Variants in CNTN5 observed in about 807,000 individuals in gnomAD.
CNTN5 encodes the protein contactin-5.
In CNTN5, 77 loss-of-function variants were observed where a neutral mutation model predicts 129.1. The ratio of observed to expected loss-of-function variants is 0.60; its 90% CI spans 0.50 to 0.72. CNTN5 has a LOEUF of 0.72. Among genes scored for constraint, CNTN5 ranks in the 30% least tolerant of loss-of-function variants. The probability of loss-of-function intolerance (pLI) is 0.00; values close to 1 mark genes in which losing one functional copy is unlikely to be tolerated. For synonymous variants in CNTN5, 509 were observed against 465.6 expected (o/e 1.09, Z -1.20); for missense variants, 1,478 against 1,328.8 (o/e 1.11, Z -1.75).
chr11:99,913,225 C>T (rs1257789054), intron 6 of CNTN5, among the ~76,000 whole-genome samples: 2 of 151,994 alleles, frequency 1.3e-5, no homozygotes. Context: ...GTTAAATTTT[C>T]ACTCAGGCTA....
At chr11:99,450,801 A>T (rs549902105) in intron 2 of CNTN5, among the ~76,000 whole-genome samples, 92 of 121,950 alleles carry the variant, frequency 7.5e-4, no homozygotes, top group African/African-American at 2.7e-3. Flanking sequence ...GCTCTTCTGC[A>T]CATGTCTGAA....
chr11:99,068,598 A>T (rs1394975959), intron 1 of CNTN5, among the ~76,000 whole-genome samples: 1 of 152,180 alleles, frequency 6.6e-6, no homozygotes, highest in Non-Finnish European at 1.5e-5. Context: ...CCAGTTCTTA[A>T]AGCCCTTAGG....
chr11:99,143,225 T>A (rs1319466647), intron 1 of CNTN5, among the ~76,000 whole-genome samples: 1 of 151,386 alleles, frequency 6.6e-6, no homozygotes. Flanking sequence ...ACACTCTACA[T>A]AGAAAACAAT....
intron 7 of CNTN5, among the ~76,000 whole-genome samples, chr11:99,922,125 G>T (rs888194028): frequency 6.6e-6 from 1 of 152,190 alleles, no homozygotes. Flanking sequence ...TGGCTGGAGG[G>T]CCTCACAATT....
At chr11:99,299,797 A>C (rs1402242495) in intron 1 of CNTN5, among the ~76,000 whole-genome samples, 1 of 152,112 alleles carries the variant, frequency 6.6e-6, no homozygotes, top group East Asian at 1.9e-4. Context: ...TTTTTAATCC[A>C]ATCACCTGTT....
intron 2 of CNTN5, among the ~76,000 whole-genome samples, chr11:99,452,531 C>G (rs968609799): frequency 6.6e-6 from 1 of 151,922 alleles, no homozygotes; most frequent in African/African-American, 2.4e-5. Flanking sequence ...CGCCACCACA[C>G]CCGGCTAATT....
In CNTN5 at chr11:99,927,438, T is replaced by C. The variant is rs927448173; in HGVS notation, c.673+11289T>C. 3.3e-5 allele frequency among the ~76,000 whole-genome samples: 5 copies of C among 152,170 alleles called. No individual in the cohort carries two copies. In the South Asian group the frequency reaches 1.0e-3, roughly 32 times the overall value. On this transcript the variant is annotated intron_variant, in intron 7 of 24. Coordinates refer to ENST00000524871, the MANE Select transcript of CNTN5 (RefSeq NM_014361.4). ...GCATTATCCCGCTGCTATGAAGAAA[T>C]ACCTGAGACTGGGTAATTTAGAAAG... is the stretch of plus-strand genomic sequence containing the variant.
intron 8 of CNTN5, among the ~76,000 whole-genome samples, chr11:99,962,266 T>A (rs955142694): frequency 6.6e-6 from 1 of 151,958 alleles, no homozygotes; most frequent in Non-Finnish European, 1.5e-5. Flanking sequence ...CATTAACTCG[T>A]CGTTTAACAT....
chr11:99,872,107 T>C (rs1270202799), intron 6 of CNTN5, among the ~76,000 whole-genome samples: 1 of 151,978 alleles, frequency 6.6e-6, no homozygotes, highest in Non-Finnish European at 1.5e-5. Context: ...CATCTGCGGG[T>C]CACAATAGTA....
At chr11:99,763,873 G>A (rs1397689855) in intron 3 of CNTN5, among the ~76,000 whole-genome samples, 3 of 151,858 alleles carry the variant, frequency 2.0e-5, no homozygotes, top group African/African-American at 4.8e-5. Flanking sequence ...AATTCTATGG[G>A]CAAAATAGAA....
chr11:100,195,826 T>C (rs998784017), intron 15 of CNTN5, among the ~76,000 whole-genome samples: 1 of 151,944 alleles, frequency 6.6e-6, no homozygotes, highest in South Asian at 2.1e-4. Context: ...TGTATGACAA[T>C]AAAAAGGCAA....
At chr11:99,101,646 T>C (rs1163254086) in intron 1 of CNTN5, among the ~76,000 whole-genome samples, 2 of 152,316 alleles carry the variant, frequency 1.3e-5, no homozygotes, top group Middle Eastern at 3.4e-3. Context: ...TGATCTCCTC[T>C]GACTCCGTGT....
chr11:100,333,868 G>C (rs1329451242), intron 21 of CNTN5, among the ~76,000 whole-genome samples: 1 of 152,138 alleles, frequency 6.6e-6, no homozygotes, highest in Non-Finnish European at 1.5e-5. Context: ...CTAGACATCA[G>C]CTTAGGCAAA....
intron 4 of CNTN5, among the ~76,000 whole-genome samples, chr11:99,843,801 G>A (rs192226183): frequency 1.3e-5 from 2 of 152,266 alleles, no homozygotes; most frequent in Non-Finnish European, 2.9e-5. Flanking sequence ...TACAGAGACT[G>A]AGAAACCTGA....
intron 2 of CNTN5, among the ~76,000 whole-genome samples, chr11:99,487,149 G>T (rs1358653688): frequency 6.6e-6 from 1 of 152,186 alleles, no homozygotes; most frequent in Non-Finnish European, 1.5e-5. Context: ...CATTTAGTTT[G>T]GTTCTGCATG....
chr11:99,032,181 G>C (rs527510074), intron 1 of CNTN5, among the ~76,000 whole-genome samples: 88 of 152,036 alleles, frequency 5.8e-4, no homozygotes, highest in African/African-American at 2.1e-3. Flanking sequence ...GGACATTTGG[G>C]TTGGTTCCAA....
intron 13 of CNTN5, among the ~76,000 whole-genome samples, chr11:100,162,060 G>A (rs1195394150): frequency 2.6e-5 from 4 of 151,594 alleles, no homozygotes; most frequent in Non-Finnish European, 4.4e-5. Flanking sequence ...CGTCCAAGTG[G>A]GTGAATAGGG....
At chr11:99,372,210 T>C (rs1939868650) in intron 2 of CNTN5, among the ~76,000 whole-genome samples, 2 of 152,218 alleles carry the variant, frequency 1.3e-5, no homozygotes, top group African/African-American at 4.8e-5. Flanking sequence ...TATTCAGTTT[T>C]GATCTTTATG....
intron 9 of CNTN5, among the ~76,000 whole-genome samples, chr11:100,042,261 A>G (rs1942424583): frequency 1.3e-5 from 2 of 150,424 alleles, no homozygotes; most frequent in African/African-American, 4.9e-5. Context: ...TCATAAAAGG[A>G]AAAAAAAAGC....
Sources: allele counts gnomAD v4.1 joint callset (sites outside exome capture counted in the v4.1 genomes callset), GRCh38; gene constraint gnomAD v4.1.1; transcripts MANE v1.5; gene names NCBI Gene and HGNC (gene_info 2026-07-23, HGNC 2026-07-21).